SH3BGR: variants seen among roughly 807,000 people sequenced by gnomAD.
SH3BGR encodes the protein SH3 domain binding glutamate rich protein, also known as SH3 domain-binding glutamic acid-rich protein.
In SH3BGR, 29 loss-of-function variants were observed where a neutral mutation model predicts 24.5. The ratio of observed to expected loss-of-function variants is 1.18; its 90% confidence interval spans 0.88 to 1.61. The LOEUF is 1.61. SH3BGR is among the 40% of genes most tolerant of loss of function. The pLI is 0.00. For missense variants in SH3BGR, 162 were observed against 205.8 expected (o/e 0.79, Z 1.30); for synonymous variants, 55 against 65.7 (o/e 0.84, Z 0.79).
At chr21:39,510,373 C>CACACACACACACACACACACTGTAGCT (rs2078660263) in intron 5 of SH3BGR, among the ~76,000 whole-genome samples, 1 of 146,026 alleles carries the variant, frequency 6.8e-6, no homozygotes, top group South Asian at 2.2e-4. Context: ...CATACACACA[C>CACACACACACACACACACACTGTAGCT]ACACACACAC....
chr21:39,453,169 G>A (rs574423888), intron 1 of SH3BGR, among the ~76,000 whole-genome samples: 4 of 152,250 alleles, frequency 2.6e-5, no homozygotes, highest in South Asian at 2.1e-4. Context: ...TCCCAGCCCC[G>A]AAAGTTCATG....
At chr21:39,475,574 T>C (rs2078014097) in intron 3 of SH3BGR, among the ~76,000 whole-genome samples, 1 of 152,234 alleles carries the variant, frequency 6.6e-6, no homozygotes, top group Non-Finnish European at 1.5e-5. Flanking sequence ...ACTTCTCATA[T>C]AGCTTTATAT....
chr21:39,505,956 A>G (rs531849000), intron 4 of SH3BGR, among the ~76,000 whole-genome samples: 13 of 152,374 alleles, frequency 8.5e-5, no homozygotes, highest in African/African-American at 2.6e-4. Context: ...AAAACTCTAC[A>G]TAACCAATAA....
intron 3 of SH3BGR, among the ~76,000 whole-genome samples, chr21:39,480,636 A>G (rs1214481118): frequency 6.6e-6 from 1 of 152,230 alleles, no homozygotes; most frequent in African/African-American, 2.4e-5. Flanking sequence ...TTTGGCTATC[A>G]TGAATACTGC....
chr21:39,456,847 T>C (rs1421203151), intron 1 of SH3BGR, among the ~76,000 whole-genome samples: 1 of 152,164 alleles, frequency 6.6e-6, no homozygotes, highest in Non-Finnish European at 1.5e-5. Flanking sequence ...GTCTTACAGA[T>C]TGAGTAAGTG....
chr21:39,446,060 C>A (rs1206952224), exon 1 of SH3BGR: 1 of 152,102 alleles, frequency 6.6e-6, no homozygotes, highest in Non-Finnish European at 1.5e-5. Flanking sequence ...CTCCTGACCT[C>A]TTAAGGCTCT....
chr21:39,448,924 C>T (rs1038513784), upstream of SH3BGR, among the ~76,000 whole-genome samples: 2 of 150,976 alleles, frequency 1.3e-5, no homozygotes, highest in Non-Finnish European at 2.9e-5. Flanking sequence ...AGACCTACTA[C>T]AACTCCAGTT....
At chr21:39,453,259 T>G (rs1602059933) in intron 1 of SH3BGR, among the ~76,000 whole-genome samples, 1 of 152,172 alleles carries the variant, frequency 6.6e-6, no homozygotes, top group South Asian at 2.1e-4. Context: ...GAGCAGCTAT[T>G]GTTTTAGTGA....
chr21:39,503,770 C>T (rs1409567530), intron 4 of SH3BGR, among the ~76,000 whole-genome samples: 1 of 152,172 alleles, frequency 6.6e-6, no homozygotes, highest in African/African-American at 2.4e-5. Flanking sequence ...AGACAAGATG[C>T]CAAGATGTAA....
At chr21:39,507,482 C>T (rs936262211) in intron 4 of SH3BGR, among the ~76,000 whole-genome samples, 2 of 151,814 alleles carry the variant, frequency 1.3e-5, no homozygotes, top group Non-Finnish European at 1.5e-5. Context: ...TACAGGCATG[C>T]GCCACCATGC....
upstream of SH3BGR, among the ~76,000 whole-genome samples, chr21:39,448,903 A>G (rs570590094): frequency 1.1e-4 from 13 of 122,506 alleles, no homozygotes; most frequent in African/African-American, 4.1e-4. Context: ...CCCCACCCCC[A>G]AACGCCTTGC....
Position 39,474,996 on chromosome 21 carries a change from T to C in SH3BGR, c.232-139T>C, listed in dbSNP as rs2078003518. ...ATTTCTTAACTCTGGAGGTTAGTCA[T>C]CTTTGATAAAGCAAACTGGGATGAC... On this transcript the variant is annotated intron_variant, in intron 2 of 6. Transcript: ENST00000333634. The C allele has an allele frequency of 1.4e-5, 8 of 587,798 alleles. No homozygotes were observed. In the South Asian group the frequency reaches 1.7e-4, roughly 13 times the overall value. The allele number at this position is 587,798 out of a possible 1,614,324, so 36.4% of individuals were successfully genotyped here.
chr21:39,511,612 A>ATAAT lies in SH3BGR; in HGVS notation c.436-68_436-67insTAAT. On this transcript the variant is annotated intron_variant, in intron 5 of 6. Coordinates refer to ENST00000333634, the MANE Select transcript of SH3BGR (RefSeq NM_007341.3). This position sits in a 1 kb window ranked among gnomAD's most constrained non-coding sequence, Gnocchi z 4.2. ...TTTGACCTCTAGTCCAGCATTTTAC[A>ATAAT]GTCTTTTTCTCACTGTATCCTTGGC... 1 of 1,527,674 alleles carries ATAAT rather than the reference A, an allele frequency of 6.5e-7. No individual in the cohort carries two copies. The highest frequency in any genetic ancestry group is 8.9e-7 in the Non-Finnish European group (1 of 1,125,116). 94.6% of individuals were successfully genotyped at this position (1,527,674 alleles called of 1,614,324 possible). A position where few individuals can be genotyped will look rare whatever the true frequency, so the allele number is the denominator to read the frequency against.
chr21:39,510,290 A>T (rs1049384604), intron 5 of SH3BGR, among the ~76,000 whole-genome samples: 1 of 152,122 alleles, frequency 6.6e-6, no homozygotes, highest in Non-Finnish European at 1.5e-5. Context: ...TAGAAAATTT[A>T]AAAAATGCAG....
At chr21:39,498,995 C>T (rs1004218980) in intron 3 of SH3BGR, among the ~76,000 whole-genome samples, 5 of 152,132 alleles carry the variant, frequency 3.3e-5, no homozygotes, top group African/African-American at 1.2e-4. Flanking sequence ...AAGCAAGGCA[C>T]CTTCTTCACA....
At chr21:39,447,718 C>G (rs1230254672), upstream of SH3BGR, among the ~76,000 whole-genome samples, 1 of 152,126 alleles carries the variant, frequency 6.6e-6, no homozygotes. Flanking sequence ...CGTGCCTGGC[C>G]TTTGCTTTTG....
chr21:39,503,085 C>G (rs2078523444), intron 4 of SH3BGR, among the ~76,000 whole-genome samples: 1 of 151,960 alleles, frequency 6.6e-6, no homozygotes, highest in Non-Finnish European at 1.5e-5. Flanking sequence ...GGTGGAAAGC[C>G]AGAACAAATA....
chr21:39,504,350 C>T (rs1034723158), intron 4 of SH3BGR, among the ~76,000 whole-genome samples: 16 of 152,220 alleles, frequency 1.1e-4, no homozygotes, highest in Admixed American at 2.6e-4. Context: ...GTCCTCTCAT[C>T]TCTAGCCGCT....
chr21:39,451,535 C>T (rs1400407834), upstream of SH3BGR, among the ~76,000 whole-genome samples: 2 of 152,074 alleles, frequency 1.3e-5, no homozygotes, highest in Non-Finnish European at 2.9e-5. Flanking sequence ...GGAAAAAAAA[C>T]AAAGTTGCTC....
Sources: allele counts gnomAD v4.1 joint callset (sites outside exome capture counted in the v4.1 genomes callset), GRCh38; gene constraint gnomAD v4.1.1; non-coding constraint Gnocchi (gnomAD v3.1); transcripts MANE v1.5; gene names NCBI Gene and HGNC (gene_info 2026-07-23, HGNC 2026-07-21).